Variants in CNTN4 observed in about 807,000 individuals in gnomAD.
CNTN4 encodes the protein contactin-4.
CNTN4 carries 77 observed loss-of-function variants against 122.5 expected under a neutral mutation model. The ratio of observed to expected loss-of-function variants is 0.63; its 90% CI spans 0.52 to 0.76. The LOEUF is 0.76. Ranked by LOEUF, CNTN4 falls within the 30% of genes least tolerant of loss-of-function variation. CNTN4 has a pLI of 0.00. For synonymous variants in CNTN4, 512 were observed against 447.0 expected, an observed-to-expected ratio of 1.15 and a Z score of -1.83; for missense variants, 1,256 against 1,259.1, an observed-to-expected ratio of 1.00 and a Z score of 0.04.
At chr3:2,815,859 T>C (rs897027567) in intron 6 of CNTN4, among the ~76,000 whole-genome samples, 4 of 134,102 alleles carry the variant, frequency 3.0e-5, no homozygotes, top group Non-Finnish European at 6.4e-5. Flanking sequence ...AATAAGTGGC[T>C]AAAGAAACTA....
At chr3:2,901,716 C>G (rs1364422012) in intron 11 of CNTN4, among the ~76,000 whole-genome samples, 1 of 152,152 alleles carries the variant, frequency 6.6e-6, no homozygotes, top group African/African-American at 2.4e-5. Flanking sequence ...AGGCTTTGTT[C>G]AGGTGCTTTA....
chr3:2,449,497 C>G (rs1408999409), intron 3 of CNTN4, among the ~76,000 whole-genome samples: 2 of 151,932 alleles, frequency 1.3e-5, no homozygotes, highest in Non-Finnish European at 2.9e-5. Context: ...CCCCTGTTAT[C>G]CCAGCTACTA....
chr3:2,144,386 T>C (rs1019397421), intron 2 of CNTN4: 10 of 152,210 alleles, frequency 6.6e-5, no homozygotes, highest in African/African-American at 2.2e-4. Flanking sequence ...CTCCCACTGA[T>C]AGTGTTTTAG....
chr3:2,855,017 G>T (rs1290940201), intron 7 of CNTN4, among the ~76,000 whole-genome samples: 4 of 152,300 alleles, frequency 2.6e-5, no homozygotes, highest in Admixed American at 2.6e-4. Flanking sequence ...ATATATTTAA[G>T]TGCTGATGGT....
intron 4 of CNTN4, among the ~76,000 whole-genome samples, chr3:2,620,730 T>C (rs2149922389): frequency 6.6e-6 from 1 of 152,156 alleles, no homozygotes; most frequent in East Asian, 1.9e-4. Context: ...CTTTAGAAAA[T>C]CTGAAAACCT....
intron 14 of CNTN4, among the ~76,000 whole-genome samples, chr3:2,994,366 AT>A (rs1393148526): frequency 3.3e-5 from 5 of 152,076 alleles, no homozygotes; most frequent in Non-Finnish European, 7.4e-5. Flanking sequence ...GAAAAAATAA[AT>A]TTATACTTTA....
chr3:2,591,747 A>G (rs975652699), intron 4 of CNTN4, among the ~76,000 whole-genome samples: 13 of 152,244 alleles, frequency 8.5e-5, no homozygotes, highest in African/African-American at 3.1e-4. Context: ...CTAAACGAAG[A>G]AAAATGAGAT....
chr3:2,464,998 C>T (rs1285553456), intron 3 of CNTN4, among the ~76,000 whole-genome samples: 1 of 152,108 alleles, frequency 6.6e-6, no homozygotes, highest in Admixed American at 6.6e-5. Flanking sequence ...ATATACTAAG[C>T]ACAGAGTTTC....
At chr3:2,705,850 AATATATG>A (rs1225652387) in intron 4 of CNTN4, among the ~76,000 whole-genome samples, 1,178 of 99,386 alleles carry the variant, frequency 0.012, 14 homozygotes, top group African/African-American at 0.041. Flanking sequence ...TATAATATAT[AATATATG>A]TGTTTATATA....
intron 10 of CNTN4, among the ~76,000 whole-genome samples, chr3:2,894,496 G>A (rs1350547548): frequency 6.6e-6 from 1 of 152,172 alleles, no homozygotes; most frequent in Admixed American, 6.5e-5. Context: ...TATAAAATGA[G>A]TACAAGTCTA....
intron 2 of CNTN4, among the ~76,000 whole-genome samples, chr3:2,297,773 A>G (rs2042368383): frequency 6.6e-6 from 1 of 152,106 alleles, no homozygotes; most frequent in African/African-American, 2.4e-5. Flanking sequence ...TCTGTCACCC[A>G]AGCTGGAGTG....
chr3:2,775,544 A>G (rs908758364), intron 6 of CNTN4, among the ~76,000 whole-genome samples: 66 of 152,104 alleles, frequency 4.3e-4, no homozygotes, highest in Middle Eastern at 3.4e-3. Flanking sequence ...CTCAGCCTCC[A>G]GAGTAGCTGG....
intron 2 of CNTN4, among the ~76,000 whole-genome samples, chr3:2,255,260 C>G (rs937492618): frequency 6.6e-6 from 1 of 152,078 alleles, no homozygotes; most frequent in African/African-American, 2.4e-5. Context: ...TGTTTTGGTA[C>G]CAGTACCGTG....
intron 4 of CNTN4, among the ~76,000 whole-genome samples, chr3:2,704,821 T>C (rs1323521425): frequency 2.0e-5 from 3 of 152,176 alleles, no homozygotes; most frequent in Non-Finnish European, 2.9e-5. Flanking sequence ...AAAGTGGCCA[T>C]AGATGACAGT....
intron 6 of CNTN4, among the ~76,000 whole-genome samples, chr3:2,795,462 G>T (rs1242656176): frequency 6.6e-6 from 1 of 152,102 alleles, no homozygotes; most frequent in East Asian, 1.9e-4. Flanking sequence ...TCTGTTAAAT[G>T]GTGAGAAGCA....
intron 4 of CNTN4, among the ~76,000 whole-genome samples, chr3:2,690,858 A>G (rs1345108270): frequency 5.9e-5 from 9 of 152,246 alleles, no homozygotes; most frequent in Non-Finnish European, 1.2e-4. Flanking sequence ...CATATTGCCT[A>G]AGGCAACTTT....
intron 4 of CNTN4, among the ~76,000 whole-genome samples, chr3:2,659,283 A>T (rs1576368419): frequency 1.3e-5 from 2 of 151,730 alleles, no homozygotes; most frequent in Non-Finnish European, 2.9e-5. Context: ...CCAACATGGT[A>T]AAACCCCGTC....
chr3:2,349,848 G>T (rs756507563), intron 3 of CNTN4, among the ~76,000 whole-genome samples: 1 of 152,142 alleles, frequency 6.6e-6, no homozygotes, highest in Non-Finnish European at 1.5e-5. Flanking sequence ...ACAAGCTAGA[G>T]AAATTGGAGA....
chr3:2,691,522 T>G (rs1334696860), intron 4 of CNTN4, among the ~76,000 whole-genome samples: 2 of 152,120 alleles, frequency 1.3e-5, no homozygotes, highest in Non-Finnish European at 1.5e-5. Context: ...CTGAGTGAAA[T>G]CAAGGTGGGA....
Sources: allele counts gnomAD v4.1 joint callset (sites outside exome capture counted in the v4.1 genomes callset), GRCh38; gene constraint gnomAD v4.1.1; transcripts MANE v1.5; gene names NCBI Gene and HGNC (gene_info 2026-07-23, HGNC 2026-07-21).